Variants in SNX1 observed in about 807,000 individuals in gnomAD.
SNX1 encodes sorting nexin 1.
SNX1 carries 36 observed loss-of-function variants against 71.8 expected under a neutral mutation model. That is an observed-to-expected ratio of 0.50 (90% CI 0.38 to 0.66). The LOEUF is 0.66. Among genes scored for constraint, SNX1 ranks in the 30% least tolerant of loss-of-function variants. The pLI, the probability that SNX1 is intolerant of heterozygous loss-of-function variation, is 0.00. For synonymous variants in SNX1, 254 were observed against 240.7 expected, an observed-to-expected ratio of 1.06 and a Z score of -0.51; for missense variants, 612 against 646.7, an observed-to-expected ratio of 0.95 and a Z score of 0.58.
intron 10 of SNX1, among the ~76,000 whole-genome samples, chr15:64,131,339 A>G (rs755824716): frequency 2.0e-5 from 3 of 152,188 alleles, no homozygotes; most frequent in East Asian, 1.9e-4. Context: ...CAGAGAGGCT[A>G]CCACTCATGA....
At chr15:64,130,943 G>T (rs899996028) in intron 10 of SNX1, among the ~76,000 whole-genome samples, 6 of 152,000 alleles carry the variant, frequency 3.9e-5, no homozygotes, top group African/African-American at 1.4e-4. Flanking sequence ...AATGAATGAG[G>T]GGAGAAAAGA....
intron 10 of SNX1, 92 bp from the exon 11 acceptor site, chr15:64,131,595 G>A (rs967680847): frequency 4.3e-5 from 51 of 1,192,094 alleles, no homozygotes; most frequent in Non-Finnish European, 5.7e-5. Flanking sequence ...TGCAGTGGGC[G>A]GCATTGCTAA....
intron 1 of SNX1, among the ~76,000 whole-genome samples, chr15:64,098,147 T>A (rs893946251): frequency 6.6e-6 from 1 of 152,234 alleles, no homozygotes; most frequent in African/African-American, 2.4e-5. Context: ...TGCAGGTGCA[T>A]GCCTGAGAAA....
rs547270717 is a variant in SNX1 at position 64,117,879 on chromosome 15, G to A, written c.272-238G>A. On this transcript the variant is annotated intron_variant, in intron 2 of 14. Transcript: ENST00000559844. ...TTGTATAAATTCTAGGTAGGAGAGG[G>A]TAGCCAAGTGGTTGTATTTGGAAAG... is the stretch of plus-strand genomic sequence containing the variant. Among the ~76,000 whole-genome samples the A allele has an allele frequency of 6.9e-4, 105 of 152,314 alleles. 1 individual carries two copies. Among genetic ancestry groups the A allele is most frequent in the Admixed American group, 1.6e-3 (25 of 15,310 alleles).
At chr15:64,133,852 C>T (rs2081331574) in intron 11 of SNX1, among the ~76,000 whole-genome samples, 1 of 152,162 alleles carries the variant, frequency 6.6e-6, no homozygotes, top group African/African-American at 2.4e-5. Flanking sequence ...GCCTATTAAG[C>T]AAGTCCGGGT....
chr15:64,125,215 C>T (rs1474002214), intron 5 of SNX1, among the ~76,000 whole-genome samples: 1 of 152,132 alleles, frequency 6.6e-6, no homozygotes, highest in Admixed American at 6.5e-5. Flanking sequence ...GTAATCCCAG[C>T]ACTTTGGGAG....
In SNX1 at chr15:64,138,099, T is replaced by C. The variant is rs1288593156; in HGVS notation, c.*481T>C. The C allele has an allele frequency of 6.5e-7, 1 of 1,535,910 alleles. No homozygotes were observed. Among genetic ancestry groups the C allele is most frequent in the South Asian group, 1.2e-5 (1 of 84,038 alleles). On this transcript the variant is annotated 3_prime_UTR_variant, in exon 15 of 15. Transcript: ENST00000559844. ...ACTCCTAACCAAGAAGTTGCCCAGG[T>C]ATAGTAAGTTTTTCTCTACCGTTCA...
chr15:64,119,737 A>AAAAAC lies in SNX1; in HGVS notation c.466+884_466+885insAAACA, dbSNP rs781321747. Among the ~76,000 whole-genome samples, 179 of 141,088 alleles carry AAAAAC rather than the reference A, an allele frequency of 1.3e-3. 1 individual carries two copies. Among genetic ancestry groups the AAAAAC allele is most frequent in the East Asian group, 2.8e-3 (13 of 4,684 alleles). 92.6% of individuals were successfully genotyped at this position (141,088 alleles called of 152,430 possible). A position where few individuals can be genotyped will look rare whatever the true frequency, so the allele number is the denominator to read the frequency against. On this transcript the variant is annotated intron_variant, in intron 4 of 14. Transcript: ENST00000559844. ...AGACTGTGTCTTAAAAAAAAAAAAA[A>AAAAAC]ACACACACACACACACAAAAAACAT... is the stretch of plus-strand genomic sequence containing the variant.
At chr15:64,117,545 G>A (rs1467190189) in intron 2 of SNX1, among the ~76,000 whole-genome samples, 1 of 152,088 alleles carries the variant, frequency 6.6e-6, no homozygotes, top group African/African-American at 2.4e-5. Flanking sequence ...GGCATGAGCC[G>A]CCACGCCCAG....
chr15:64,104,355 C>G (rs1234214900), intron 1 of SNX1, among the ~76,000 whole-genome samples: 1 of 148,014 alleles, frequency 6.8e-6, no homozygotes, highest in Non-Finnish European at 1.5e-5. Context: ...TCACTGCAAG[C>G]TCTGCCTCCC....
rs776029028 is a variant in SNX1 at position 64,137,535 on chromosome 15, G to A, written c.1519-33G>A. The A allele has an allele frequency of 1.1e-5, 18 of 1,613,586 alleles. No individual in the cohort carries two copies. The South Asian group carries it at 1.8e-4, about 16-fold the overall frequency. ...TGGCTTAGGCTCTGCCACTAGGTGG[G>A]GGCACTTGCTTAATGTCCCCACTTC... On this transcript the variant is annotated intron_variant, in intron 14 of 14. Coordinates refer to ENST00000559844, the MANE Select transcript of SNX1 (RefSeq NM_003099.5).
At chr15:64,110,835 A>C (rs963249584) in intron 1 of SNX1, among the ~76,000 whole-genome samples, 17 of 152,338 alleles carry the variant, frequency 1.1e-4, no homozygotes, top group African/African-American at 4.1e-4. Context: ...CTGCTCCGGA[A>C]AATATTCTTA....
intron 1 of SNX1, among the ~76,000 whole-genome samples, chr15:64,097,346 C>G (rs1260027259): frequency 1.3e-5 from 2 of 152,172 alleles, no homozygotes; most frequent in Non-Finnish European, 2.9e-5. Flanking sequence ...CTTAATTGGC[C>G]TTAGGTTCCC....
chr15:64,129,969 G>A lies in SNX1; in HGVS notation c.861G>A (p.Met287Ile). 3 of 1,614,152 alleles carry A rather than the reference G, an allele frequency of 1.9e-6. No individual in the cohort carries two copies. Among genetic ancestry groups the A allele is most frequent in the Non-Finnish European group, 2.5e-6 (3 of 1,180,042 alleles). Residue 287 changes from methionine to isoleucine, a missense_variant, in exon 9 of 15, where the codon ATG becomes ATA. This residue lies in a region of SNX1 where 296 missense variants were observed against 361.9 expected (regional missense o/e 0.82). Transcript: ENST00000559844. This position sits in a 1 kb window ranked among gnomAD's most constrained non-coding sequence, Gnocchi z 4.4. ...TGAGTGGTGCTGGTCTCCTCAAGATGTTCAACAAAGCCACAGATGCCGTCA... is the reference window on the plus strand; with the variant it reads ...TGAGTGGTGCTGGTCTCCTCAAGATATTCAACAAAGCCACAGATGCCGTCA... ...QTLSGAGLLK[M>I]FNKATDAVSK... is the part of the protein sequence containing the mutation.
intron 8 of SNX1, among the ~76,000 whole-genome samples, chr15:64,128,084 G>A (rs913619416): frequency 6.6e-6 from 1 of 152,220 alleles, no homozygotes; most frequent in African/African-American, 2.4e-5. Flanking sequence ...TTGGCATGTT[G>A]TAGGTTACTT....
In SNX1 at chr15:64,105,448, A is replaced by G. The variant is rs185218801; in HGVS notation, c.160-7125A>G. Among the ~76,000 whole-genome samples, 13 of 152,330 alleles carry G rather than the reference A, an allele frequency of 8.5e-5. No homozygotes were observed. The Middle Eastern group carries it at 0.014, about 159-fold the overall frequency. ...CTCAAGTAACTTTTGACATAAATAA[A>G]TCATGAGTAGTTGATAGTTACTAGA... On this transcript the variant is annotated intron_variant, in intron 1 of 14. Transcript: ENST00000559844.
At chr15:64,117,198 C>G (rs2081138394) in intron 2 of SNX1, among the ~76,000 whole-genome samples, 1 of 152,100 alleles carries the variant, frequency 6.6e-6, no homozygotes, top group African/African-American at 2.4e-5. Flanking sequence ...TGTCAGTATG[C>G]CTGCCTCTTC....
intron 7 of SNX1, 137 bp downstream of exon 7, chr15:64,127,389 T>C: frequency 1.5e-6 from 1 of 689,284 alleles, no homozygotes; most frequent in South Asian, 1.9e-5. Flanking sequence ...CCATATTATC[T>C]CTTAACTTTT....
At chr15:64,120,848 A>G (rs1264815783) in intron 4 of SNX1, among the ~76,000 whole-genome samples, 3 of 152,118 alleles carry the variant, frequency 2.0e-5, no homozygotes, top group African/African-American at 7.2e-5. Flanking sequence ...CTCAAAAAGA[A>G]AAAAAATTTT....
Sources: allele counts gnomAD v4.1 joint callset (sites outside exome capture counted in the v4.1 genomes callset), GRCh38; gene constraint gnomAD v4.1.1; regional missense constraint gnomAD v4.1.1; non-coding constraint Gnocchi (gnomAD v3.1); transcripts MANE v1.5; gene names NCBI Gene and HGNC (gene_info 2026-07-23, HGNC 2026-07-21).